Variants in SEPTIN3 observed in about 807,000 individuals in gnomAD.
SEPTIN3 encodes the protein neuronal-specific septin-3.
SEPTIN3 carries 15 observed loss-of-function variants against 45.1 expected under a neutral mutation model. That is an observed-to-expected ratio of 0.33 (90% CI 0.22 to 0.51). The LOEUF is 0.51. Ranked by LOEUF, SEPTIN3 falls within the 20% of genes least tolerant of loss-of-function variation. SEPTIN3 has a pLI of 0.97. For synonymous variants in SEPTIN3, 148 were observed against 164.8 expected, an observed-to-expected ratio of 0.90 and a Z score of 0.78; for missense variants, 289 against 457.2, an observed-to-expected ratio of 0.63 and a Z score of 3.35.
intron 2 of SEPTIN3, chr22:41,977,211 C>A: frequency 1.3e-6 from 1 of 748,348 alleles, no homozygotes; most frequent in Non-Finnish European, 2.1e-6. Context: ...GACACACGCA[C>A]ACACGGTGGC....
chr22:41,990,745 CAAAAAA>C (rs71184855), intron 7 of SEPTIN3, among the ~76,000 whole-genome samples: 46,167 of 96,118 alleles, frequency 0.48, 9,982 homozygotes, highest in East Asian at 0.84. Context: ...CACTCTATCT[CAAAAAA>C]AAAAAAAAAA....
At chr22:41,990,910 A>G (rs1023729472) in intron 7 of SEPTIN3, among the ~76,000 whole-genome samples, 2 of 151,586 alleles carry the variant, frequency 1.3e-5, no homozygotes, top group Admixed American at 6.6e-5. Context: ...CTAAAAATAC[A>G]AAAATTAGCT....
chr22:41,984,638 C>T lies in SEPTIN3; in HGVS notation c.1697-1346C>T, dbSNP rs575380364. Among the ~76,000 whole-genome samples, 23 of 152,250 alleles carry T rather than the reference C, an allele frequency of 1.5e-4. No homozygotes were observed. The South Asian group carries it at 3.7e-3, about 25-fold the overall frequency. On this transcript the variant is annotated intron_variant, in intron 3 of 11. Transcript: ENST00000644076. ...ACAGCCTCTGCCTCCTGGGTTCAAA[C>T]GATCCGCAGCCTCCTGAGTAGCTAG...
At chr22:41,981,887 G>A in intron 3 of SEPTIN3, 51 bp downstream of exon 3, 1 of 1,534,892 alleles carries the variant, frequency 6.5e-7, no homozygotes, top group Non-Finnish European at 9.0e-7. Context: ...CAGCACCAAG[G>A]ATCCCATTTC....
chr22:41,997,318 AC>A lies in SEPTIN3; in HGVS notation c.*354del. ...TCTAAGGGCAATGGCATTGCTCCCT[AC>A]CCATTCATCTGCATGAGCTACTCTT... On this transcript the variant is annotated 3_prime_UTR_variant, in exon 12 of 12. Transcript: ENST00000644076. 3.9e-6 allele frequency: 1 copy of A among 254,048 alleles called. No individual in the cohort carries two copies. The highest frequency in any genetic ancestry group is 7.5e-6 in the Non-Finnish European group (1 of 132,540). The allele number at this position is 254,048 out of a possible 1,614,324, so 15.7% of individuals were successfully genotyped here. A position where few individuals can be genotyped will look rare whatever the true frequency, so the allele number is the denominator to read the frequency against.
chr22:41,982,047 A>C, intron 3 of SEPTIN3: 1 of 575,810 alleles, frequency 1.7e-6, no homozygotes, highest in Non-Finnish European at 3.1e-6. Flanking sequence ...ATGCCAGCCC[A>C]GCCCCCCATC....
chr22:41,987,394 G>A (rs552627856), intron 5 of SEPTIN3, 107 bp downstream of exon 5: 8 of 1,186,776 alleles, frequency 6.7e-6, no homozygotes, highest in Admixed American at 4.6e-5. Flanking sequence ...TCCATGCTCT[G>A]TAGTTCCCGA....
chr22:41,976,272 A>C lies in SEPTIN3; in HGVS notation c.1504+3276A>C, dbSNP rs1159282031. ...GACATTCCATCTTCCTGTCTCCTCC[A>C]CTAGACCCAGAACCTTCGAGGGGAG... On this transcript the variant is annotated intron_variant, in intron 2 of 11. Coordinates refer to ENST00000644076, the MANE Select transcript of SEPTIN3 (RefSeq NM_001363845.2). The surrounding 1 kb of genome is among the most constrained non-coding windows in gnomAD (Gnocchi z 5.8). 1.3e-5 allele frequency: 2 copies of C among 151,898 alleles called. No individual in the cohort carries two copies. The highest frequency in any genetic ancestry group is 2.1e-4 in the South Asian group (1 of 4,802). 9.4% of individuals were successfully genotyped at this position (151,898 alleles called of 1,614,324 possible).
intron 1 of SEPTIN3, among the ~76,000 whole-genome samples, chr22:41,970,503 C>T (rs992705872): frequency 3.3e-5 from 5 of 152,150 alleles, no homozygotes; most frequent in African/African-American, 4.8e-5. Context: ...TCACACTGCC[C>T]GAGTGGCCGT....
Position 41,971,853 on chromosome 22 carries a change from T to C in SEPTIN3, c.361T>C (p.Ser121Pro). 1 of 399,010 alleles carries C rather than the reference T, an allele frequency of 2.5e-6. No individual in the cohort carries two copies. The highest frequency in any genetic ancestry group is 4.4e-6 in the Non-Finnish European group (1 of 226,146). 24.7% of individuals were successfully genotyped at this position (399,010 alleles called of 1,614,324 possible). Reference sequence around the variant, plus strand: ...TCTCCATCAGAACAGCCAGGCACGGTCCCTGGATCGCCCACTTTCTCACTG... The same window carrying C: ...TCTCCATCAGAACAGCCAGGCACGGCCCCTGGATCGCCCACTTTCTCACTG... Reference protein sequence around the residue: ...LTLHQNSQARSLDRPLSHWEE... With the variant: ...LTLHQNSQARPLDRPLSHWEE... The change falls in exon 2 of 12, where the codon TCC becomes CCC. Residue 121 changes from serine (S) to proline (P), a missense_variant. This residue lies in a region of SEPTIN3 where 200 missense variants were observed against 315.1 expected (regional missense o/e 0.63). Coordinates refer to ENST00000644076, the MANE Select transcript of SEPTIN3 (RefSeq NM_001363845.2).
At position 41,972,614 on chromosome 22, in the gene SEPTIN3, G is replaced by T; in HGVS notation, c.1122G>T (p.Met374Ile). 5.0e-6 allele frequency: 2 copies of T among 399,098 alleles called. No individual in the cohort carries two copies. The highest frequency in any genetic ancestry group is 2.6e-4 in the South Asian group (2 of 7,824). 24.7% of individuals were successfully genotyped at this position (399,098 alleles called of 1,614,324 possible). ...MATRSTAKPDMTTEGIAMDSA... is the reference protein window; with the variant it reads ...MATRSTAKPDITTEGIAMDSA... Reference sequence around the variant, plus strand: ...CAAGAAGCACAGCCAAACCAGATATGACCACAGAGGGTATAGCCATGGATT... The same window carrying T: ...CAAGAAGCACAGCCAAACCAGATATTACCACAGAGGGTATAGCCATGGATT... Residue 374 changes from methionine to isoleucine, a missense_variant, in exon 2 of 12, where the codon ATG becomes ATT. By Grantham distance (10) the Met-to-Ile change is conservative. Around this residue, in one of 3 missense-constraint regions of SEPTIN3, gnomAD observed 200 missense variants for 315.1 expected, o/e 0.63. Coordinates refer to ENST00000644076, the MANE Select transcript of SEPTIN3 (RefSeq NM_001363845.2).
rs1784006959 is a variant in SEPTIN3 at position 41,994,032 on chromosome 22, G to A, written c.2360-258G>A. Reference sequence around the variant, plus strand: ...TATTAGTTTTCTCTTCTATAAAATGGTAAAAATTATAGTCCCTCTTGGCTA... The same window carrying A: ...TATTAGTTTTCTCTTCTATAAAATGATAAAAATTATAGTCCCTCTTGGCTA... On this transcript the variant is annotated intron_variant, in intron 9 of 11. Transcript: ENST00000644076. This position sits in a 1 kb window ranked among gnomAD's most constrained non-coding sequence, Gnocchi z 4.2. 6.6e-6 allele frequency among the ~76,000 whole-genome samples: 1 copy of A among 152,162 alleles called. No individual in the cohort carries two copies. Among genetic ancestry groups the A allele is most frequent in the African/African-American group, 2.4e-5 (1 of 41,440 alleles).
Position 41,994,897 on chromosome 22 carries a change from GT to G in SEPTIN3, c.2505+184del. The G allele has an allele frequency of 6.9e-7, 1 of 1,458,064 alleles. No individual in the cohort carries two copies. Among genetic ancestry groups the G allele is most frequent in the Non-Finnish European group, 9.1e-7 (1 of 1,100,722 alleles). The allele number at this position is 1,458,064 out of a possible 1,614,324, so 90.3% of individuals were successfully genotyped here. A position where few individuals can be genotyped will look rare whatever the true frequency, so the allele number is the denominator to read the frequency against. ...GAGCATCTTGTCTGTGTGTGTGTGT[GT>G]GTGTGTGTGTGTGTGTGTGTGTGTG... On this transcript the variant is annotated intron_variant, in intron 11 of 11. Transcript: ENST00000644076. The surrounding 1 kb of genome is among the most constrained non-coding windows in gnomAD (Gnocchi z 4.2).
intron 2 of SEPTIN3, among the ~76,000 whole-genome samples, chr22:41,974,627 C>A (rs1461190321): frequency 7.1e-6 from 1 of 141,628 alleles, no homozygotes; most frequent in Non-Finnish European, 1.5e-5. Context: ...TGCGCCACTG[C>A]AATCCAGCCT....
At chr22:41,985,874 C>A in intron 3 of SEPTIN3, 110 bp from the exon 4 acceptor site, 1 of 1,348,798 alleles carries the variant, frequency 7.4e-7, no homozygotes, top group Non-Finnish European at 9.9e-7. Context: ...AGTGGTCAGA[C>A]AAGGTGTGGC....
chr22:41,996,590 C>T, intron 11 of SEPTIN3: 1 of 1,121,576 alleles, frequency 8.9e-7, no homozygotes, highest in Non-Finnish European at 1.1e-6. Context: ...CAACCCAGCC[C>T]TCATCCTCCC....
chr22:41,995,298 G>A (rs1299371100), intron 11 of SEPTIN3: 8 of 990,964 alleles, frequency 8.1e-6, no homozygotes, highest in Admixed American at 1.1e-4. Flanking sequence ...GAAAAGGAAG[G>A]CCATGAGAAG....
chr22:41,987,892 G>T, intron 6 of SEPTIN3, 133 bp downstream of exon 6: 1 of 874,848 alleles, frequency 1.1e-6, no homozygotes, highest in Non-Finnish European at 1.7e-6. Context: ...AGCCAGATGG[G>T]TTGGTACATA....
rs1331733728 is a variant in SEPTIN3, at chr22:41,976,979, C to T, written c.1504+3983C>T. On this transcript the variant is annotated intron_variant, in intron 2 of 11. Coordinates refer to ENST00000644076, the MANE Select transcript of SEPTIN3 (RefSeq NM_001363845.2). This position sits in a 1 kb window ranked among gnomAD's most constrained non-coding sequence, Gnocchi z 5.8. ...GCGAGGCCCGTTTGCAGGGGCCGCT[C>T]GGCCCGGGGAAGCCCGCGCCCCGCT... 1.2e-5 allele frequency: 17 copies of T among 1,431,896 alleles called. No homozygotes were observed. In the Admixed American group the frequency reaches 1.3e-4, roughly 11 times the overall value. 88.7% of individuals were successfully genotyped at this position (1,431,896 alleles called of 1,614,324 possible). A position where few individuals can be genotyped will look rare whatever the true frequency, so the allele number is the denominator to read the frequency against.
Sources: gnomAD v4.1 joint callset for allele counts (sites outside exome capture counted in the v4.1 genomes callset) on GRCh38, gnomAD v4.1.1 for gene constraint, gnomAD v4.1.1 regional missense constraint, Gnocchi (gnomAD v3.1) non-coding constraint, MANE v1.5 for transcripts, NCBI Gene and HGNC (gene_info 2026-07-23, HGNC 2026-07-21) for gene names.